PDIA3: variants seen among roughly 807,000 people sequenced by gnomAD.
The protein encoded by PDIA3 is protein disulfide-isomerase A3.
A neutral mutation model predicts 56.9 loss-of-function variants in PDIA3; 16 were observed. That is an observed-to-expected ratio of 0.28 (90% CI 0.19 to 0.43). The LOEUF is 0.43. Ranked by LOEUF, PDIA3 falls within the 20% of genes least tolerant of loss-of-function variation. PDIA3 has a pLI of 1.00. For missense variants in PDIA3, 485 were observed against 621.3 expected, an observed-to-expected ratio of 0.78 and a Z score of 2.33; for synonymous variants, 192 against 216.5, an observed-to-expected ratio of 0.89 and a Z score of 0.99.
rs190124610 is a variant in PDIA3, at chr15:43,772,425, C to G, written c.*1207C>G. On this transcript the variant is annotated 3_prime_UTR_variant, in exon 13 of 13. Coordinates refer to ENST00000300289, the MANE Select transcript of PDIA3 (RefSeq NM_005313.5). Reference sequence around the variant, plus strand: ...TAGTAAAGTATGTATCTTGGTCACACACAAAGCTTGGAAAAAGTAAAAGAT... The same window carrying G: ...TAGTAAAGTATGTATCTTGGTCACAGACAAAGCTTGGAAAAAGTAAAAGAT... 1 of 152,204 alleles carries G rather than the reference C, an allele frequency of 6.6e-6. No individual in the cohort carries two copies. 9.4% of individuals were successfully genotyped at this position (152,204 alleles called of 1,614,324 possible).
At chr15:43,769,792 T>G in intron 10 of PDIA3, 146 bp downstream of exon 10, 1 of 810,156 alleles carries the variant, frequency 1.2e-6, no homozygotes, top group Non-Finnish European at 2.0e-6. Flanking sequence ...TTCTCGTGAC[T>G]GCCCCCTAGT....
intron 8 of PDIA3, among the ~76,000 whole-genome samples, 178 bp downstream of exon 8, chr15:43,767,088 G>A (rs545551420): frequency 2.0e-5 from 3 of 152,194 alleles, no homozygotes; most frequent in South Asian, 4.2e-4. Context: ...GGTGGCTCAC[G>A]CCTGTAATCC....
chr15:43,759,206 C>T (rs148274089), intron 3 of PDIA3, among the ~76,000 whole-genome samples: 46 of 152,158 alleles, frequency 3.0e-4, no homozygotes, highest in African/African-American at 1.0e-3. Context: ...AGGAGAATGG[C>T]GTGAACCCTG....
At chr15:43,756,794 A>C in intron 3 of PDIA3, 28 bp downstream of exon 3, 3 of 1,177,204 alleles carry the variant, frequency 2.5e-6, no homozygotes, top group Non-Finnish European at 3.8e-6. Context: ...CATTCTGGAA[A>C]CTGATGTTAA....
At position 43,761,497 on chromosome 15, in the gene PDIA3, G is replaced by T. The variant is rs1240705929; in HGVS notation, c.438G>T (p.Lys146Asn). The change falls in exon 4 of 13, where the codon AAG (lysine) becomes AAT (asparagine). Residue 146 changes from lysine to asparagine, a missense_variant. Transcript: ENST00000300289. Reference sequence around the variant, plus strand: ...CTCTCAGGACTGAGGAAGAATTTAAGAAATTCATTAGTGATAAAGATGCCT... The same window carrying T: ...CTCTCAGGACTGAGGAAGAATTTAATAAATTCATTAGTGATAAAGATGCCT... ...SVPLRTEEEF[K>N]KFISDKDASI... The T allele has an allele frequency of 6.3e-7, 1 of 1,592,194 alleles. No individual in the cohort carries two copies. Among genetic ancestry groups the T allele is most frequent in the Admixed American group, 1.7e-5 (1 of 59,412 alleles).
intron 1 of PDIA3, chr15:43,747,060 C>G: frequency 4.1e-6 from 1 of 242,340 alleles, no homozygotes; most frequent in Non-Finnish European, 8.1e-6. Context: ...AGTCTACAGA[C>G]TAGGCATCCC....
chr15:43,769,021 T>C (rs1436178829), intron 9 of PDIA3, among the ~76,000 whole-genome samples: 2 of 148,934 alleles, frequency 1.3e-5, no homozygotes, highest in Non-Finnish European at 3.0e-5. Context: ...CGAAACTCCA[T>C]CTCAAAAAAA....
Position 43,756,765 on chromosome 15 carries a change from TG to T in PDIA3, c.364+1del. The T allele has an allele frequency of 6.7e-7, 1 of 1,497,286 alleles. No homozygotes were observed. The highest frequency in any genetic ancestry group is 9.3e-7 in the Non-Finnish European group (1 of 1,077,292). 92.8% of individuals were successfully genotyped at this position (1,497,286 alleles called of 1,614,324 possible). A position where few individuals can be genotyped will look rare whatever the true frequency, so the allele number is the denominator to read the frequency against. Reference protein sequence around the residue: ...AGAYDGPRTADGIVSHLKKQA... With the variant: ...AGAYDGPRTAXGIVSHLKKQA... The stretch of plus-strand genomic sequence containing the variant: ...GTGCTTATGATGGACCTAGGACTGC[TG>T]GTAAGGATCCTGAATTACATTCTGG... On this transcript the variant is annotated frameshift_variant and splice_region_variant, in exon 3 of 13. Coordinates refer to ENST00000300289, the MANE Select transcript of PDIA3 (RefSeq NM_005313.5). LOFTEE classifies it high-confidence loss of function.
At chr15:43,749,777 T>TA (rs1328336566) in intron 1 of PDIA3, among the ~76,000 whole-genome samples, 5 of 151,946 alleles carry the variant, frequency 3.3e-5, no homozygotes, top group Admixed American at 3.3e-4. Flanking sequence ...CCATCTCTAC[T>TA]AAAAAATGAC....
At chr15:43,766,401 T>G (rs2086847840) in intron 7 of PDIA3, among the ~76,000 whole-genome samples, 1 of 152,220 alleles carries the variant, frequency 6.6e-6, no homozygotes, top group Non-Finnish European at 1.5e-5. Context: ...ACTTGCACAT[T>G]GAGCCTCTCA....
intron 1 of PDIA3, 69 bp downstream of exon 1, chr15:43,746,775 G>A (rs1862688522): frequency 1.3e-6 from 2 of 1,546,338 alleles, no homozygotes; most frequent in African/African-American, 1.4e-5. Context: ...GCGGGGAACT[G>A]TTGGGCCTAC....
chr15:43,759,028 C>T (rs1343948879), intron 3 of PDIA3, among the ~76,000 whole-genome samples: 2 of 151,284 alleles, frequency 1.3e-5, no homozygotes, highest in African/African-American at 2.4e-5. Context: ...TGGTGGCTCA[C>T]GTCTGTAATC....
chr15:43,756,715 A>G lies in PDIA3; in HGVS notation c.313A>G (p.Ile105Val), dbSNP rs1315105631. Reference sequence around the variant, plus strand: ...AGTCAGTGGATATCCAACCCTGAAGATATTTAGAGATGGTGAAGAAGCAGG... The same window carrying G: ...AGTCAGTGGATATCCAACCCTGAAGGTATTTAGAGATGGTGAAGAAGCAGG... ...YGVSGYPTLK[I>V]FRDGEEAGAY... The change falls in exon 3 of 13, where the codon ATA becomes GTA. Residue 105 changes from isoleucine to valine, a missense_variant. Coordinates refer to ENST00000300289, the MANE Select transcript of PDIA3 (RefSeq NM_005313.5). The G allele has an allele frequency of 1.2e-6, 2 of 1,610,546 alleles. No homozygotes were observed. The highest frequency in any genetic ancestry group is 2.7e-5 in the African/African-American group (2 of 74,976).
intron 8 of PDIA3, 131 bp from the exon 9 acceptor site, chr15:43,768,358 T>G (rs1036550353): frequency 8.1e-6 from 5 of 615,452 alleles, no homozygotes; most frequent in African/African-American, 7.2e-5. Flanking sequence ...GTTCTGCATA[T>G]TGAGAGATGA....
chr15:43,763,325 T>G, intron 5 of PDIA3, 119 bp downstream of exon 5: 1 of 1,109,716 alleles, frequency 9.0e-7, no homozygotes, highest in Non-Finnish European at 1.3e-6. Context: ...CAATCTCTGC[T>G]CACTGCAGCC....
At chr15:43,769,196 C>G (rs2086866589) in intron 9 of PDIA3, among the ~76,000 whole-genome samples, 1 of 152,214 alleles carries the variant, frequency 6.6e-6, no homozygotes, top group African/African-American at 2.4e-5. Context: ...TGGTCTTACT[C>G]TGTTGCCTCA....
chr15:43,752,834 C>T, intron 1 of PDIA3: 1 of 471,194 alleles, frequency 2.1e-6, no homozygotes, highest in African/African-American at 2.0e-5. Context: ...CGTGATCCCT[C>T]TGCAACCCTT....
rs2086873379 is a variant in PDIA3, at chr15:43,770,315, A to G, written c.1332A>G (p.Pro444=). 3 of 1,613,968 alleles carry G rather than the reference A, an allele frequency of 1.9e-6. No individual in the cohort carries two copies. The highest frequency in any genetic ancestry group is 2.5e-6 in the Non-Finnish European group (3 of 1,179,796). ...MDATANDVPS[P]YEVRGFPTIY... The stretch of plus-strand genomic sequence containing the variant: ...CCACAGCCAATGATGTGCCTTCTCC[A>G]TATGAAGTCAGAGGGTAAGTGGCTT... Residue 444 remains proline (P), a synonymous_variant, in exon 11 of 13, where the codon CCA becomes CCG. Transcript: ENST00000300289.
intron 7 of PDIA3, 99 bp downstream of exon 7, chr15:43,766,111 A>G (rs560188350): frequency 2.2e-6 from 2 of 924,670 alleles, no homozygotes; most frequent in South Asian, 2.3e-5. Flanking sequence ...CTGTAAAACA[A>G]TAAATGGTTC....
Sources: allele counts gnomAD v4.1 joint callset (sites outside exome capture counted in the v4.1 genomes callset), GRCh38; gene constraint gnomAD v4.1.1; transcripts MANE v1.5; gene names NCBI Gene and HGNC (gene_info 2026-07-23, HGNC 2026-07-21).